The following IL6R variants were observed in gnomAD, a reference collection of about 807,000 sequenced individuals.
The protein encoded by IL6R is interleukin-6 receptor subunit alpha.
Under a neutral mutation model 48.3 loss-of-function variants are expected in IL6R, and 38 were observed. The observed-to-expected ratio is 0.79, with a 90% CI of 0.61 to 1.03. The LOEUF is 1.03. Among genes scored for constraint, IL6R ranks in the 50% least tolerant of loss-of-function variants. The pLI is 0.00. For missense variants in IL6R, 534 were observed against 618.3 expected (o/e 0.86, Z 1.45); for synonymous variants, 264 against 256.2 (o/e 1.03, Z -0.29).
intron 8 of IL6R, among the ~76,000 whole-genome samples, chr1:154,453,809 A>G (rs928003154): frequency 1.3e-5 from 2 of 152,178 alleles, no homozygotes; most frequent in African/African-American, 4.8e-5. Context: ...ACATCACCTC[A>G]TCTGAGATCC....
rs1406282706 is a variant in IL6R, at chr1:154,430,563, AC to A, written c.419del (p.Pro140HisfsTer3). ...TGTTTGTGAGTGGGGTCCTCGGAGC[AC>A]CCCATCCCTGACGACAAAGGCTGTG... ...NVVCEWGPRS[T>X]PSLTTKAVLL... On this transcript the variant is annotated frameshift_variant, in exon 3 of 10. Transcript: ENST00000368485. LOFTEE classifies it high-confidence loss of function. 3 of 1,613,776 alleles carry A rather than the reference AC, an allele frequency of 1.9e-6. No homozygotes were observed.
chr1:154,414,666 G>A, intron 1 of IL6R: 1 of 857,118 alleles, frequency 1.2e-6, no homozygotes, highest in Non-Finnish European at 2.0e-6. Context: ...TGGCGAGGAT[G>A]TTACCCTTGG....
rs1359666661 is a variant in IL6R, at chr1:154,405,777, T to G, written c.85+63T>G. ...TAGCGGCTGGGGGAAACCGCCTTGGTCACCGCAGTCTGTGGGAGGCTGGAG... is the reference window on the plus strand; with the variant it reads ...TAGCGGCTGGGGGAAACCGCCTTGGGCACCGCAGTCTGTGGGAGGCTGGAG... On this transcript the variant is annotated intron_variant, in intron 1 of 9. Coordinates refer to ENST00000368485, the MANE Select transcript of IL6R (RefSeq NM_000565.4). This position sits in a 1 kb window ranked among gnomAD's most constrained non-coding sequence, Gnocchi z 5.2. The G allele has an allele frequency of 1.6e-6, 2 of 1,220,066 alleles. No homozygotes were observed. Among genetic ancestry groups the G allele is most frequent in the African/African-American group, 1.6e-5 (1 of 62,232 alleles). The allele number at this position is 1,220,066 out of a possible 1,614,324, so 75.6% of individuals were successfully genotyped here. A position where few individuals can be genotyped will look rare whatever the true frequency, so the allele number is the denominator to read the frequency against.
intron 6 of IL6R, among the ~76,000 whole-genome samples, chr1:154,439,540 C>T (rs548563887): frequency 1.3e-5 from 2 of 152,042 alleles, no homozygotes; most frequent in Non-Finnish European, 2.9e-5. Flanking sequence ...GTCTTGAACC[C>T]CTGACCTCAG....
chr1:154,428,933 T>C (rs1689129613), intron 1 of IL6R, among the ~76,000 whole-genome samples: 1 of 152,090 alleles, frequency 6.6e-6, no homozygotes, highest in Non-Finnish European at 1.5e-5. Flanking sequence ...ATCTTGTGGA[T>C]GGTGGCAGGC....
chr1:154,416,542 G>T (rs1279436427), intron 1 of IL6R, among the ~76,000 whole-genome samples: 2 of 152,116 alleles, frequency 1.3e-5, no homozygotes, highest in African/African-American at 4.8e-5. Flanking sequence ...GATGAGGGAG[G>T]AGGAGCTGGG....
At chr1:154,434,891 G>T in intron 4 of IL6R, 99 bp from the exon 5 acceptor site, 3 of 1,335,612 alleles carry the variant, frequency 2.2e-6, no homozygotes, top group Non-Finnish European at 3.1e-6. Context: ...GGGAGTGAAC[G>T]GGGCTGGGTG....
rs1399958620 is a variant in IL6R at position 154,467,677 on chromosome 1, GATT to G, written c.*2298_*2300del. 1 of 152,198 alleles carries G rather than the reference GATT, an allele frequency of 6.6e-6. No homozygotes were observed. Among genetic ancestry groups the G allele is most frequent in the East Asian group, 1.9e-4 (1 of 5,204 alleles). The allele number at this position is 152,198 out of a possible 1,614,324, so 9.4% of individuals were successfully genotyped here. A position where few individuals can be genotyped will look rare whatever the true frequency, so the allele number is the denominator to read the frequency against. Reference sequence around the variant, plus strand: ...GCACTTTGGGAGGCCAAGGTGGGAGGATTGCTTGAGCTCAGGAGTTTGAGACCA... The same window carrying G: ...GCACTTTGGGAGGCCAAGGTGGGAGGGCTTGAGCTCAGGAGTTTGAGACCA... On this transcript the variant is annotated 3_prime_UTR_variant, in exon 10 of 10. Transcript: ENST00000368485.
Position 154,429,305 on chromosome 1 carries a change from G to A in IL6R, c.195G>A (p.Pro65=), listed in dbSNP as rs748575982. 11 of 1,613,976 alleles carry A rather than the reference G, an allele frequency of 6.8e-6. No individual in the cohort carries two copies. Among genetic ancestry groups the A allele is most frequent in the South Asian group, 1.1e-5 (1 of 91,080 alleles). ...CTGTTCACTGGGTGCTCAGGAAGCC[G>A]GCTGCAGGCTCCCACCCCAGCAGAT... ...NATVHWVLRK[P]AAGSHPSRWA... is the part of the protein sequence containing the mutation. Residue 65 remains proline, a synonymous_variant, in exon 2 of 10, where the codon CCG becomes CCA. Transcript: ENST00000368485.
chr1:154,454,132 TG>T (rs1351435021), intron 8 of IL6R: 1 of 300,594 alleles, frequency 3.3e-6, no homozygotes, highest in Non-Finnish European at 6.4e-6. Flanking sequence ...TTGTGCCTTG[TG>T]GGAGCAGGTG....
chr1:154,447,504 T>TACACAC (rs1338905608), intron 6 of IL6R, among the ~76,000 whole-genome samples: 1 of 87,396 alleles, frequency 1.1e-5, no homozygotes, highest in Non-Finnish European at 2.1e-5. Context: ...CACACACACA[T>TACACAC]ATATATATAC....
rs1174156869 is a variant in IL6R, at chr1:154,467,438, CCACCACCAT to C, written c.*2064_*2072del. The C allele has an allele frequency of 2.0e-5, 3 of 152,224 alleles. No individual in the cohort carries two copies. The highest frequency in any genetic ancestry group is 7.2e-5 in the African/African-American group (3 of 41,456). The allele number at this position is 152,224 out of a possible 1,614,324, so 9.4% of individuals were successfully genotyped here. ...CTAATACTCTACCCTCTTAGAAAAACCACCACCATCACCAGACAGGTGCGAAAGGATGAA... is the reference window on the plus strand; with the variant it reads ...CTAATACTCTACCCTCTTAGAAAAACCACCAGACAGGTGCGAAAGGATGAA... On this transcript the variant is annotated 3_prime_UTR_variant, in exon 10 of 10. Transcript: ENST00000368485.
At position 154,447,460 on chromosome 1, in the gene IL6R, T is replaced by TAC. The variant is rs1558323465; in HGVS notation, c.950-664_950-663insCA. On this transcript the variant is annotated intron_variant, in intron 6 of 9. Transcript: ENST00000368485. ...TCTCAAAAAAAAAAAAAAAAATATATATATATATATATATATACACACACA... is the reference window on the plus strand; with the variant it reads ...TCTCAAAAAAAAAAAAAAAAATATATACATATATATATATATATACACACACA... Among the ~76,000 whole-genome samples, 133 of 78,260 alleles carry TAC rather than the reference T, an allele frequency of 1.7e-3. 5 individuals carry two copies. The highest frequency in any genetic ancestry group is 0.01 in the African/African-American group (130 of 12,704). 51.3% of individuals were successfully genotyped at this position (78,260 alleles called of 152,430 possible).
intron 1 of IL6R, among the ~76,000 whole-genome samples, chr1:154,412,106 C>G (rs960315249): frequency 1.5e-4 from 23 of 151,500 alleles, no homozygotes; most frequent in Non-Finnish European, 2.5e-4. Context: ...CGCCACGACG[C>G]CTGGCTAATT....
In IL6R at chr1:154,427,389, C is replaced by T. The variant is rs112710843; in HGVS notation, c.86-1807C>T. 4.4e-3 allele frequency among the ~76,000 whole-genome samples: 666 copies of T among 152,294 alleles called. 5 individuals carry two copies. Among genetic ancestry groups the T allele is most frequent in the Non-Finnish European group, 6.9e-3 (466 of 68,024 alleles). On this transcript the variant is annotated intron_variant, in intron 1 of 9. Transcript: ENST00000368485. ...GTTTATCAAACACAGGACTTGCCCA[C>T]CGTGGGAGAAAGTAAGGCCATAGGT...
chr1:154,469,052 G>C lies in IL6R; in HGVS notation c.*3672G>C. The C allele has an allele frequency of 6.6e-6, 1 of 152,370 alleles. No individual in the cohort carries two copies. Among genetic ancestry groups the C allele is most frequent in the Middle Eastern group, 3.4e-3 (1 of 294 alleles). 9.4% of individuals were successfully genotyped at this position (152,370 alleles called of 1,614,324 possible). ...GCCCTGTGAAGGCCTCCTGTCCTCC[G>C]TGCGGCTGGGCACCAGCACCAGGGA... On this transcript the variant is annotated 3_prime_UTR_variant, in exon 10 of 10. Transcript: ENST00000368485.
At position 154,405,677 on chromosome 1, in the gene IL6R, G is replaced by T. The variant is rs765425040; in HGVS notation, c.48G>T (p.Pro16=). 4.6e-6 allele frequency: 7 copies of T among 1,529,124 alleles called. No individual in the cohort carries two copies. In the South Asian group the frequency reaches 8.4e-5, roughly 18 times the overall value. The allele number at this position is 1,529,124 out of a possible 1,614,324, so 94.7% of individuals were successfully genotyped here. A position where few individuals can be genotyped will look rare whatever the true frequency, so the allele number is the denominator to read the frequency against. The change falls in exon 1 of 10, where the codon CCG becomes CCT. Residue 16 remains proline, a synonymous_variant. Coordinates refer to ENST00000368485, the MANE Select transcript of IL6R (RefSeq NM_000565.4). The surrounding 1 kb of genome is among the most constrained non-coding windows in gnomAD (Gnocchi z 5.2). ...TGCTGGCTGCCCTGCTGGCCGCGCC[G>T]GGAGCGGCGCTGGCCCCAAGGCGCT... ...CALLAALLAA[P]GAALAPRRCP... is the part of the protein sequence containing the mutation.
chr1:154,422,230 C>T (rs966788555), intron 1 of IL6R, among the ~76,000 whole-genome samples: 3 of 152,242 alleles, frequency 2.0e-5, no homozygotes, highest in African/African-American at 4.8e-5. Context: ...GCGTGAGCCA[C>T]GGCGCCTGGT....
At position 154,466,093 on chromosome 1, in the gene IL6R, C is replaced by G. The variant is rs1691541375; in HGVS notation, c.*713C>G. ...GATGATCCTAGGCATTTGCTGAATA[C>G]AGAGGCAACTGCATTGGCTTTGGGT... On this transcript the variant is annotated 3_prime_UTR_variant, in exon 10 of 10. Transcript: ENST00000368485. 6.5e-6 allele frequency: 1 copy of G among 152,794 alleles called. No individual in the cohort carries two copies. Among genetic ancestry groups the G allele is most frequent in the Admixed American group, 6.5e-5 (1 of 15,272 alleles). The allele number at this position is 152,794 out of a possible 1,614,324, so 9.5% of individuals were successfully genotyped here. A position where few individuals can be genotyped will look rare whatever the true frequency, so the allele number is the denominator to read the frequency against.
Sources: allele counts gnomAD v4.1 joint callset (sites outside exome capture counted in the v4.1 genomes callset), GRCh38; gene constraint gnomAD v4.1.1; non-coding constraint Gnocchi (gnomAD v3.1); transcripts MANE v1.5; gene names NCBI Gene and HGNC (gene_info 2026-07-23, HGNC 2026-07-21).